The following ATP2A3 variants were observed in gnomAD, a reference collection of about 807,000 sequenced individuals.
ATP2A3 encodes the protein sarcoplasmic/endoplasmic reticulum calcium ATPase 3.
In ATP2A3, 61 loss-of-function variants were observed where a neutral mutation model predicts 106.8. The observed-to-expected ratio is 0.57, with a 90% CI of 0.46 to 0.71. The LOEUF (loss-of-function observed/expected upper bound fraction) is 0.71, where lower values mean the gene tolerates loss of function less well. ATP2A3 is among the 30% of genes least tolerant of loss of function. The pLI, the probability that ATP2A3 is intolerant of heterozygous loss-of-function variation, is 0.00. For synonymous variants in ATP2A3, 611 were observed against 609.3 expected, an observed-to-expected ratio of 1.00 and a Z score of -0.04; for missense variants, 1,201 against 1,423.5, an observed-to-expected ratio of 0.84 and a Z score of 2.52.
Position 3,924,338 on chromosome 17 carries a change from A to G in ATP2A3, c.*1084T>C, listed in dbSNP as rs2052595696. 5.9e-6 allele frequency: 1 copy of G among 169,852 alleles called. No individual in the cohort carries two copies. The highest frequency in any genetic ancestry group is 2.4e-5 in the African/African-American group (1 of 41,734). 10.5% of individuals were successfully genotyped at this position (169,852 alleles called of 1,614,324 possible). A position where few individuals can be genotyped will look rare whatever the true frequency, so the allele number is the denominator to read the frequency against. ...GGCCATCTTCCTCTCATCTGATATG[A>G]CGTGTTCCTCCAGCAGGGAGGGAGG... On this transcript the variant is annotated 3_prime_UTR_variant, in exon 21 of 21. Coordinates refer to ENST00000397041, the MANE Select transcript of ATP2A3 (RefSeq NM_005173.4). The surrounding 1 kb of genome is among the most constrained non-coding windows in gnomAD (Gnocchi z 6.4).
At chr17:3,933,717 C>A (rs1357155865) in intron 17 of ATP2A3, among the ~76,000 whole-genome samples, 1 of 151,218 alleles carries the variant, frequency 6.6e-6, no homozygotes, top group Non-Finnish European at 1.5e-5. Flanking sequence ...GCCTGGGTGA[C>A]AGAGCGAGAC....
rs749920008 is a variant in ATP2A3, at chr17:3,930,410, C to G, written c.2635G>C (p.Asp879His). ...QLRNFLKCSE[D>H]NPLFAGIDCE... ...TCGATGCCGGCAAAGAGCGGGTTGT[C>G]TTCGGAGCACTTCAGGAAGTTCCTC... Residue 879 changes from aspartate to histidine, a missense_variant, in exon 18 of 21, where the codon GAC becomes CAC. Physicochemically the swap from Asp to His is moderately conservative, Grantham distance 81 (BLOSUM62 -1). Around this residue, in one of 2 missense-constraint regions of ATP2A3, gnomAD observed 935 missense variants for 1,176.7 expected, o/e 0.79. Transcript: ENST00000397041. This position sits in a 1 kb window ranked among gnomAD's most constrained non-coding sequence, Gnocchi z 5.4. 5.0e-6 allele frequency: 8 copies of G among 1,613,986 alleles called. No individual in the cohort carries two copies. Among genetic ancestry groups the G allele is most frequent in the Non-Finnish European group, 6.8e-6 (8 of 1,180,010 alleles).
At position 3,925,784 on chromosome 17, in the gene ATP2A3, A is replaced by C. The variant is rs899546170; in HGVS notation, c.2981-343T>G. On this transcript the variant is annotated intron_variant, in intron 20 of 20. Coordinates refer to ENST00000397041, the MANE Select transcript of ATP2A3 (RefSeq NM_005173.4). This position sits in a 1 kb window ranked among gnomAD's most constrained non-coding sequence, Gnocchi z 4.2. The stretch of plus-strand genomic sequence containing the variant: ...TCCTTGCTTCTCTTGCCCATCACAC[A>C]CACCCAGGCCTGATTTCACCCAAAT... Among the ~76,000 whole-genome samples the C allele has an allele frequency of 6.6e-6, 1 of 151,754 alleles. No homozygotes were observed.
In ATP2A3 at chr17:3,928,691, G is replaced by T. The variant is rs368580708; in HGVS notation, c.2952C>A (p.Leu984=). The T allele has an allele frequency of 1.3e-6, 2 of 1,551,330 alleles. No individual in the cohort carries two copies. Among genetic ancestry groups the T allele is most frequent in the Non-Finnish European group, 1.7e-6 (2 of 1,147,120 alleles). ...SLPVILLDEA[L]KYLSRNHMHE... is the part of the protein sequence containing the mutation. ...GCATGTGGTTCCGGGACAGGTACTT[G>T]AGGGCCTCATCCAGCAGGATGACAG... The change falls in exon 20 of 21, where the codon CTC becomes CTA. Residue 984 remains leucine (L), a synonymous_variant. Coordinates refer to ENST00000397041, the MANE Select transcript of ATP2A3 (RefSeq NM_005173.4). The surrounding 1 kb of genome is among the most constrained non-coding windows in gnomAD (Gnocchi z 6.1).
At chr17:3,962,671 G>A (rs1034180895) in intron 1 of ATP2A3, among the ~76,000 whole-genome samples, 18 of 152,108 alleles carry the variant, frequency 1.2e-4, no homozygotes, top group Admixed American at 5.9e-4. Flanking sequence ...CTCCCTCCCA[G>A]TCAGTTCCTC....
Position 3,930,949 on chromosome 17 carries a change from T to G in ATP2A3, c.2611-515A>C, listed in dbSNP as rs1239603499. On this transcript the variant is annotated intron_variant, in intron 17 of 20. Transcript: ENST00000397041. The surrounding 1 kb of genome is among the most constrained non-coding windows in gnomAD (Gnocchi z 5.4). ...TGAGGTCAGGAGTTTGGGACCAGCC[T>G]GGCTAACATGGTGAAACCCCGTCTC... 1 of 242,744 alleles carries G rather than the reference T, an allele frequency of 4.1e-6. No individual in the cohort carries two copies. The highest frequency in any genetic ancestry group is 8.2e-6 in the Non-Finnish European group (1 of 121,388). The allele number at this position is 242,744 out of a possible 1,614,324, so 15.0% of individuals were successfully genotyped here.
In ATP2A3 at chr17:3,941,301, G is replaced by A; in HGVS notation, c.1770C>T (p.Asp590=). 2 of 1,613,812 alleles carry A rather than the reference G, an allele frequency of 1.2e-6. No homozygotes were observed. The highest frequency in any genetic ancestry group is 8.5e-7 in the Non-Finnish European group (1 of 1,179,968). The change falls in exon 14 of 21, where the codon GAC becomes GAT. Residue 590 remains aspartate, a synonymous_variant. Coordinates refer to ENST00000397041, the MANE Select transcript of ATP2A3 (RefSeq NM_005173.4). ...TGCCTACGCAGCCCACGAAGGTCAG[G>A]TCCGTCTGTAGGGAGGGGGCAGATT... The part of the protein sequence containing the change: ...DCSKFVQYET[D]LTFVGCVGML...
At position 3,947,302 on chromosome 17, in the gene ATP2A3, C is replaced by A; in HGVS notation, c.1095+89G>T. ...AGCCCACAGATTCTCTCCTCCATCC[C>A]TCACTGAAAAGGAGGTGGGGGAGAG... On this transcript the variant is annotated intron_variant, in intron 8 of 20. Coordinates refer to ENST00000397041, the MANE Select transcript of ATP2A3 (RefSeq NM_005173.4). This position sits in a 1 kb window ranked among gnomAD's most constrained non-coding sequence, Gnocchi z 7.7. 1 of 1,485,118 alleles carries A rather than the reference C, an allele frequency of 6.7e-7. No homozygotes were observed. The highest frequency in any genetic ancestry group is 1.1e-5 in the South Asian group (1 of 87,254). The allele number at this position is 1,485,118 out of a possible 1,614,324, so 92.0% of individuals were successfully genotyped here.
Position 3,964,313 on chromosome 17 carries a change from G to T in ATP2A3, c.-22C>A. The stretch of plus-strand genomic sequence containing the variant: ...CCATGCCGCCCGCCCGGCCGTCTGC[G>T]CCGTCCGCACCGTCGAGGCCGCCTC... On this transcript the variant is annotated 5_prime_UTR_variant, in exon 1 of 21. Transcript: ENST00000397041. 1 of 1,213,754 alleles carries T rather than the reference G, an allele frequency of 8.2e-7. No individual in the cohort carries two copies. Among genetic ancestry groups the T allele is most frequent in the Non-Finnish European group, 1.0e-6 (1 of 961,482 alleles). The allele number at this position is 1,213,754 out of a possible 1,614,324, so 75.2% of individuals were successfully genotyped here. A position where few individuals can be genotyped will look rare whatever the true frequency, so the allele number is the denominator to read the frequency against.
At position 3,955,674 on chromosome 17, in the gene ATP2A3, A is replaced by G. The variant is rs999109675; in HGVS notation, c.119-1964T>C. On this transcript the variant is annotated intron_variant, in intron 1 of 20. Coordinates refer to ENST00000397041, the MANE Select transcript of ATP2A3 (RefSeq NM_005173.4). This position sits in a 1 kb window ranked among gnomAD's most constrained non-coding sequence, Gnocchi z 4.2. Reference sequence around the variant, plus strand: ...GGACAGCACTAACCTCATGGTGCGCATGGGTGGGCTTGTGCTGGGCTCTTC... The same window carrying G: ...GGACAGCACTAACCTCATGGTGCGCGTGGGTGGGCTTGTGCTGGGCTCTTC... Among the ~76,000 whole-genome samples, 1 of 152,022 alleles carries G rather than the reference A, an allele frequency of 6.6e-6. No homozygotes were observed. Among genetic ancestry groups the G allele is most frequent in the African/African-American group, 2.4e-5 (1 of 41,386 alleles).
At chr17:3,938,024 G>C (rs2040497293) in intron 14 of ATP2A3, among the ~76,000 whole-genome samples, 1 of 152,212 alleles carries the variant, frequency 6.6e-6, no homozygotes, top group South Asian at 2.1e-4. Context: ...CCCGGGTAAA[G>C]AGCCAGGTAG....
intron 20 of ATP2A3, chr17:3,927,932 A>G (rs368992910): frequency 1.2e-6 from 2 of 1,610,876 alleles, no homozygotes; most frequent in African/African-American, 2.7e-5. Flanking sequence ...ACAGCAGTCC[A>G]GCCATACGGC....
rs1475848096 is a variant in ATP2A3 at position 3,964,403 on chromosome 17, A to C, written c.-112T>G. 3 of 485,724 alleles carry C rather than the reference A, an allele frequency of 6.2e-6. No individual in the cohort carries two copies. Among genetic ancestry groups the C allele is most frequent in the South Asian group, 1.8e-4 (2 of 11,022 alleles). The allele number at this position is 485,724 out of a possible 1,614,324, so 30.1% of individuals were successfully genotyped here. A position where few individuals can be genotyped will look rare whatever the true frequency, so the allele number is the denominator to read the frequency against. ...GCCCGGGCGGGCGCCGCGCGAGGCC[A>C]TGTCCGTGCTGGGACCTTACCCGAC... is the stretch of plus-strand genomic sequence containing the variant. On this transcript the variant is annotated 5_prime_UTR_variant, in exon 1 of 21. The change abolishes an upstream ATG in the 5' untranslated region. Transcript: ENST00000397041.
rs1035384040 is a variant in ATP2A3 at position 3,955,993 on chromosome 17, T to C, written c.119-2283A>G. ...GCCTCCCAGGTTCAAGCGATTCTCC[T>C]GCCTCAGCCTCCCGGGTAGCTGGAA... On this transcript the variant is annotated intron_variant, in intron 1 of 20. Transcript: ENST00000397041. This position sits in a 1 kb window ranked among gnomAD's most constrained non-coding sequence, Gnocchi z 4.2. Among the ~76,000 whole-genome samples, 1 of 152,092 alleles carries C rather than the reference T, an allele frequency of 6.6e-6. No homozygotes were observed. The highest frequency in any genetic ancestry group is 6.6e-5 in the Admixed American group (1 of 15,266).
rs1478423093 is a variant in ATP2A3 at position 3,937,525 on chromosome 17, C to T, written c.2212G>A (p.Asp738Asn). ...KSAAEMVLSD[D>N]NFASIVAAVE... ...GCAGCCACGATGGAGGCAAAGTTGT[C>T]ATCTGACAGCACCATCTCTGCCGCC... Residue 738 changes from aspartate (D) to asparagine (N), a missense_variant, in exon 15 of 21, where the codon GAC becomes AAC. By Grantham distance (23) the Asp-to-Asn change is conservative. Coordinates refer to ENST00000397041, the MANE Select transcript of ATP2A3 (RefSeq NM_005173.4). 1 of 1,614,156 alleles carries T rather than the reference C, an allele frequency of 6.2e-7. No individual in the cohort carries two copies. Among genetic ancestry groups the T allele is most frequent in the South Asian group, 1.1e-5 (1 of 91,086 alleles).
intron 3 of ATP2A3, among the ~76,000 whole-genome samples, chr17:3,952,499 G>A (rs1239220557): frequency 6.6e-6 from 1 of 152,230 alleles, no homozygotes; most frequent in African/African-American, 2.4e-5. Flanking sequence ...CAAAATCCAT[G>A]TGGGGGACAC....
Position 3,928,448 on chromosome 17 carries a change from C to T in ATP2A3, c.2980+215G>A. 2 of 1,081,806 alleles carry T rather than the reference C, an allele frequency of 1.8e-6. No individual in the cohort carries two copies. Among genetic ancestry groups the T allele is most frequent in the Non-Finnish European group, 1.4e-6 (1 of 728,352 alleles). 67.0% of individuals were successfully genotyped at this position (1,081,806 alleles called of 1,614,324 possible). On this transcript the variant is annotated intron_variant, in intron 20 of 20. Transcript: ENST00000397041. The surrounding 1 kb of genome is among the most constrained non-coding windows in gnomAD (Gnocchi z 6.1). The stretch of plus-strand genomic sequence containing the variant: ...CCAAGAGGTGCTCCCGTTGCTGGCC[C>T]AGTGAGCCCAGGTCCCCTGCAGTGC...
In ATP2A3 at chr17:3,964,263, G is replaced by A; in HGVS notation, c.29C>T (p.Ala10Val). MEAAHLLPA[A>V]DVLRHFSVTA... ...CACCGAGAAGTGGCGCAGCACGTCG[G>A]CGGCCGGGAGCAGATGCGCCGCCTC... Residue 10 changes from alanine to valine, a missense_variant, in exon 1 of 21, where the codon GCC becomes GTC. Around this residue, in one of 2 missense-constraint regions of ATP2A3, gnomAD observed 266 missense variants for 246.8 expected, o/e 1.08. Coordinates refer to ENST00000397041, the MANE Select transcript of ATP2A3 (RefSeq NM_005173.4). 1 of 1,280,730 alleles carries A rather than the reference G, an allele frequency of 7.8e-7. No individual in the cohort carries two copies. The highest frequency in any genetic ancestry group is 3.1e-4 in the Middle Eastern group (1 of 3,258). 79.3% of individuals were successfully genotyped at this position (1,280,730 alleles called of 1,614,324 possible). A position where few individuals can be genotyped will look rare whatever the true frequency, so the allele number is the denominator to read the frequency against.
chr17:3,954,599 C>T (rs575751241), intron 1 of ATP2A3, among the ~76,000 whole-genome samples: 409 of 151,452 alleles, frequency 2.7e-3, no homozygotes, highest in Non-Finnish European at 3.3e-3. Context: ...CGGGTTCAAG[C>T]GATTCTCCTG....
Sources: gnomAD v4.1 joint callset for allele counts (sites outside exome capture counted in the v4.1 genomes callset) on GRCh38, gnomAD v4.1.1 for gene constraint, gnomAD v4.1.1 regional missense constraint, Gnocchi (gnomAD v3.1) non-coding constraint, MANE v1.5 for transcripts, NCBI Gene and HGNC (gene_info 2026-07-23, HGNC 2026-07-21) for gene names.